Variants in SCAMP2 observed in about 807,000 individuals in gnomAD.
The protein encoded by SCAMP2 is secretory carrier membrane protein 2.
SCAMP2 carries 25 observed loss-of-function variants against 44.1 expected under a neutral mutation model. The observed-to-expected ratio is 0.57, with a 90% CI of 0.41 to 0.79. SCAMP2 has a LOEUF of 0.79. SCAMP2 is among the 30% of genes least tolerant of loss of function. The pLI is 0.00. For synonymous variants in SCAMP2, 156 were observed against 166.0 expected, an observed-to-expected ratio of 0.94 and a Z score of 0.46; for missense variants, 355 against 411.0, an observed-to-expected ratio of 0.86 and a Z score of 1.18.
intron 6 of SCAMP2, 131 bp from the exon 7 acceptor site, chr15:74,848,832 C>T (rs1337614986): frequency 3.2e-6 from 2 of 631,372 alleles, no homozygotes; most frequent in Non-Finnish European, 5.7e-6. Context: ...TCCAGGGGCC[C>T]AGCCATACCA....
intron 6 of SCAMP2, among the ~76,000 whole-genome samples, chr15:74,849,773 G>A (rs945757796): frequency 6.6e-6 from 1 of 152,126 alleles, no homozygotes; most frequent in Non-Finnish European, 1.5e-5. Flanking sequence ...TTGAGGATAC[G>A]TGGTAACAAA....
In SCAMP2 at chr15:74,844,569, C is replaced by T. The variant is rs1375847794; in HGVS notation, c.*514G>A. On this transcript the variant is annotated 3_prime_UTR_variant, in exon 9 of 9. Transcript: ENST00000268099. ...TGAGGCAACCAGCCTTCTCTGGAAG[C>T]CTGGAGACCACTGGAGTGACCTGGG... is the stretch of plus-strand genomic sequence containing the variant. 6.5e-6 allele frequency: 1 copy of T among 152,784 alleles called. No homozygotes were observed. Among genetic ancestry groups the T allele is most frequent in the African/African-American group, 2.4e-5 (1 of 41,458 alleles). 9.5% of individuals were successfully genotyped at this position (152,784 alleles called of 1,614,324 possible).
At chr15:74,850,231 C>T (rs1044179384) in intron 6 of SCAMP2, among the ~76,000 whole-genome samples, 3 of 152,200 alleles carry the variant, frequency 2.0e-5, no homozygotes, top group African/African-American at 7.2e-5. Context: ...CCAGTAACGG[C>T]ATCAGCCAGA....
chr15:74,852,406 TG>T (rs2064441513), intron 3 of SCAMP2: 1 of 389,156 alleles, frequency 2.6e-6, no homozygotes, highest in Admixed American at 4.5e-5. Context: ...CCCTTGGCCA[TG>T]ACTAAGCTGT....
intron 1 of SCAMP2, among the ~76,000 whole-genome samples, chr15:74,860,574 G>C (rs1596419531): frequency 6.6e-6 from 1 of 151,670 alleles, no homozygotes; most frequent in East Asian, 1.9e-4. Flanking sequence ...TGTAATCCCA[G>C]CTACTTGGAA....
At chr15:74,846,134 T>C (rs890333659) in intron 7 of SCAMP2, among the ~76,000 whole-genome samples, 2 of 151,296 alleles carry the variant, frequency 1.3e-5, no homozygotes, top group African/African-American at 4.9e-5. Context: ...ATACAAAAAT[T>C]AGCTGCGCGT....
chr15:74,873,344 C>T lies in SCAMP2; in HGVS notation c.-89G>A, dbSNP rs1030123659. On this transcript the variant is annotated 5_prime_UTR_variant, in exon 1 of 9. Coordinates refer to ENST00000268099, the MANE Select transcript of SCAMP2 (RefSeq NM_005697.5). ...GGCGCTTCGTGTAGACCCTCCACTT[C>T]CGGGAGCGAGGCAGCGGTTCTGGCG... The T allele has an allele frequency of 1.7e-6, 2 of 1,194,100 alleles. No individual in the cohort carries two copies. The highest frequency in any genetic ancestry group is 1.1e-6 in the Non-Finnish European group (1 of 904,662). 74.0% of individuals were successfully genotyped at this position (1,194,100 alleles called of 1,614,324 possible).
intron 1 of SCAMP2, 122 bp from the exon 2 acceptor site, chr15:74,854,771 G>GCCT (rs2064457583): frequency 1.2e-6 from 1 of 821,214 alleles, no homozygotes; most frequent in Non-Finnish European, 2.0e-6. Context: ...ACCCTGAGAA[G>GCCT]CCTCTCTGGA....
At chr15:74,848,927 AC>A (rs1313029810) in intron 6 of SCAMP2, among the ~76,000 whole-genome samples, 1 of 151,728 alleles carries the variant, frequency 6.6e-6, no homozygotes, top group Non-Finnish European at 1.5e-5. Flanking sequence ...TCAGTGCTTG[AC>A]CCCTTCCTCA....
chr15:74,849,202 T>G (rs2064418684), intron 6 of SCAMP2, among the ~76,000 whole-genome samples: 1 of 152,164 alleles, frequency 6.6e-6, no homozygotes, highest in South Asian at 2.1e-4. Flanking sequence ...TAAGTAAAAC[T>G]AAGTAAATCT....
chr15:74,845,065 G>A lies in SCAMP2; in HGVS notation c.*18C>T. 1 of 1,608,406 alleles carries A rather than the reference G, an allele frequency of 6.2e-7. No individual in the cohort carries two copies. The highest frequency in any genetic ancestry group is 8.5e-7 in the Non-Finnish European group (1 of 1,175,824). On this transcript the variant is annotated 3_prime_UTR_variant, in exon 9 of 9. Coordinates refer to ENST00000268099, the MANE Select transcript of SCAMP2 (RefSeq NM_005697.5). ...AGGCAGGCGAGAGAAAGGCTGAGGG[G>A]GAGAGAAGAGAGGAGGACTAATTCC...
At chr15:74,849,668 CAGG>C (rs752708930) in intron 6 of SCAMP2, among the ~76,000 whole-genome samples, 92 of 149,570 alleles carry the variant, frequency 6.2e-4, no homozygotes, top group Non-Finnish European at 6.1e-4. Flanking sequence ...CATTTGAACC[CAGG>C]AGGAGGAGGT....
intron 1 of SCAMP2, among the ~76,000 whole-genome samples, chr15:74,867,349 AC>A (rs1350508698): frequency 6.6e-6 from 1 of 152,192 alleles, no homozygotes; most frequent in East Asian, 1.9e-4. Flanking sequence ...AGATTATCTT[AC>A]CCCAAGTGTT....
chr15:74,872,428 AGTC>A, intron 1 of SCAMP2, among the ~76,000 whole-genome samples: 1 of 151,772 alleles, frequency 6.6e-6, no homozygotes, highest in South Asian at 2.1e-4. Flanking sequence ...AAAAAAAAAA[AGTC>A]AGGCCAGCTC....
At position 74,845,221 on chromosome 15, in the gene SCAMP2, G is replaced by C. The variant is rs2064391088; in HGVS notation, c.856-4C>G. ...TCCGTCGGTAGAGGGAGTGCACCTG[G>C]CGAAGAGGGGTGGGGTGAGAGAAGC... On this transcript the variant is annotated splice_polypyrimidine_tract_variant and splice_region_variant and intron_variant, in intron 8 of 8. Transcript: ENST00000268099. The C allele has an allele frequency of 1.9e-6, 3 of 1,611,766 alleles. No homozygotes were observed.
Position 74,854,576 on chromosome 15 carries a change from C to T in SCAMP2, c.126+5G>A. The T allele has an allele frequency of 6.3e-7, 1 of 1,595,154 alleles. No homozygotes were observed. The highest frequency in any genetic ancestry group is 1.1e-5 in the South Asian group (1 of 87,718). On this transcript the variant is annotated splice_donor_5th_base_variant and intron_variant, in intron 2 of 8. Transcript: ENST00000268099. ...GGGACTTGGAAAGAGGGCCTGCTCA[C>T]CAACCTCTGAGAAGGGGTTGAATTC...
At position 74,844,052 on chromosome 15, in the gene SCAMP2, G is replaced by A. The variant is rs1038165391; in HGVS notation, c.*1031C>T. ...TCCACTGGGTATTAGGGGGCCCTCC[G>A]AGAGATGGCTTATCAGTCCCTGCTG... is the stretch of plus-strand genomic sequence containing the variant. On this transcript the variant is annotated 3_prime_UTR_variant, in exon 9 of 9. Transcript: ENST00000268099. 1.1e-4 allele frequency: 16 copies of A among 152,256 alleles called. No individual in the cohort carries two copies. The East Asian group carries it at 2.9e-3, about 28-fold the overall frequency. The allele number at this position is 152,256 out of a possible 1,614,324, so 9.4% of individuals were successfully genotyped here.
chr15:74,860,223 T>C (rs1241395491), intron 1 of SCAMP2, among the ~76,000 whole-genome samples: 1 of 152,006 alleles, frequency 6.6e-6, no homozygotes, highest in African/African-American at 2.4e-5. Flanking sequence ...CCAGCCAATA[T>C]GGCCAACATG....
rs1431242956 is a variant in SCAMP2, at chr15:74,851,492, C to G, written c.344-11G>C. Reference sequence around the variant, plus strand: ...AGTTGTTCTGTCTCACTGGGTAGGGCAAAAAGAGTGACGAGGTAAGGGCCC... The same window carrying G: ...AGTTGTTCTGTCTCACTGGGTAGGGGAAAAAGAGTGACGAGGTAAGGGCCC... On this transcript the variant is annotated splice_polypyrimidine_tract_variant and intron_variant, in intron 4 of 8. Coordinates refer to ENST00000268099, the MANE Select transcript of SCAMP2 (RefSeq NM_005697.5). The G allele has an allele frequency of 6.2e-6, 10 of 1,612,868 alleles. No homozygotes were observed. In the Admixed American group the frequency reaches 1.3e-4, roughly 22 times the overall value.
Sources: allele counts gnomAD v4.1 joint callset (sites outside exome capture counted in the v4.1 genomes callset), GRCh38; gene constraint gnomAD v4.1.1; transcripts MANE v1.5; gene names NCBI Gene and HGNC (gene_info 2026-07-23, HGNC 2026-07-21).